TASP1: variants seen among roughly 807,000 people sequenced by gnomAD.
The protein encoded by TASP1 is taspase 1.
Under a neutral mutation model 56.6 loss-of-function variants are expected in TASP1, and 16 were observed. The observed-to-expected ratio is 0.28, with a 90% confidence interval of 0.19 to 0.43. TASP1 has a LOEUF of 0.43. TASP1 is among the 20% of genes least tolerant of loss of function. The pLI is 1.00. For synonymous variants in TASP1, 179 were observed against 184.2 expected (o/e 0.97, Z 0.23); for missense variants, 393 against 511.6 (o/e 0.77, Z 2.24).
At chr20:13,481,465 G>A (rs2043140173) in intron 11 of TASP1, among the ~76,000 whole-genome samples, 1 of 152,078 alleles carries the variant, frequency 6.6e-6, no homozygotes, top group Admixed American at 6.6e-5. Context: ...TCACATGGTA[G>A]CTCTATTTTT....
At chr20:13,490,452 A>C (rs944678600) in intron 10 of TASP1, among the ~76,000 whole-genome samples, 6 of 152,170 alleles carry the variant, frequency 3.9e-5, no homozygotes, top group Admixed American at 1.3e-4. Context: ...TAGAAGAGTT[A>C]ATTAATAAAG....
At chr20:13,211,879 A>G in the TASP1 span, among the ~76,000 whole-genome samples, 2 of 152,180 alleles carry the variant, frequency 1.3e-5, no homozygotes, top group African/African-American at 4.8e-5. Context: ...AAATGGTTAT[A>G]TAAGTACATA....
intron 4 of TASP1, among the ~76,000 whole-genome samples, chr20:13,592,475 G>C (rs1384001914): frequency 6.6e-6 from 1 of 151,164 alleles, no homozygotes; most frequent in Non-Finnish European, 1.5e-5. Flanking sequence ...AACTTTACAA[G>C]AAACTGTACT....
chr20:13,296,498 G>A, the TASP1 span, among the ~76,000 whole-genome samples: 780 of 152,334 alleles, frequency 5.1e-3, 2 homozygotes, highest in Non-Finnish European at 8.4e-3. Flanking sequence ...AGATCTGCAA[G>A]CATCTCAAGG....
chr20:13,472,595 G>A (rs1302384600), intron 11 of TASP1, among the ~76,000 whole-genome samples: 3 of 150,668 alleles, frequency 2.0e-5, no homozygotes, highest in Non-Finnish European at 3.0e-5. Flanking sequence ...TCTAACAAAG[G>A]GCTAATATCC....
At chr20:13,629,877 G>T in intron 2 of TASP1, 57 bp downstream of exon 2, 2 of 1,606,426 alleles carry the variant, frequency 1.2e-6, no homozygotes, top group South Asian at 2.2e-5. Flanking sequence ...TGTACTTCAA[G>T]GCAGAAAAAG....
chr20:13,253,338 G>A, the TASP1 span, among the ~76,000 whole-genome samples: 2 of 145,614 alleles, frequency 1.4e-5, no homozygotes, highest in Non-Finnish European at 3.0e-5. Flanking sequence ...GCATTCCTGA[G>A]GAGTGGGTGA....
chr20:13,498,043 G>A (rs2043794981), intron 10 of TASP1, among the ~76,000 whole-genome samples: 1 of 151,970 alleles, frequency 6.6e-6, no homozygotes, highest in South Asian at 2.1e-4. Flanking sequence ...TACCATCCTG[G>A]ACAACAGCCT....
At chr20:13,415,966 G>A (rs1289841582) in intron 13 of TASP1, among the ~76,000 whole-genome samples, 2 of 152,236 alleles carry the variant, frequency 1.3e-5, no homozygotes, top group East Asian at 3.9e-4. Flanking sequence ...TTTATGTATG[G>A]GAACTGTTTT....
In TASP1 at chr20:13,637,790, G is replaced by A. The variant is rs115125434; in HGVS notation, c.-75+1104C>T. Among the ~76,000 whole-genome samples the A allele has an allele frequency of 8.3e-3, 1,260 of 152,272 alleles. 15 individuals are homozygous for A. Among genetic ancestry groups the A allele is most frequent in the African/African-American group, 0.029 (1,209 of 41,562 alleles). ...GTATAGGATTTCTTTTGGGGGTGAT[G>A]AAAATGTTCTGAAAGTAGATAGTGG... On this transcript the variant is annotated intron_variant, in intron 1 of 13. Transcript: ENST00000337743.
chr20:13,181,214 G>T, the TASP1 span, among the ~76,000 whole-genome samples: 2 of 152,156 alleles, frequency 1.3e-5, no homozygotes, highest in African/African-American at 4.8e-5. Context: ...TGCCACCAGG[G>T]GTGATAATCT....
the TASP1 span, among the ~76,000 whole-genome samples, chr20:13,340,937 CA>C: frequency 6.6e-6 from 1 of 152,102 alleles, no homozygotes; most frequent in Non-Finnish European, 1.5e-5. Flanking sequence ...TTAAGTTGCC[CA>C]GGAAGTAGCT....
intron 11 of TASP1, among the ~76,000 whole-genome samples, chr20:13,452,588 C>T (rs1372188412): frequency 1.3e-5 from 2 of 151,784 alleles, no homozygotes; most frequent in African/African-American, 4.8e-5. Flanking sequence ...AATCTACAGG[C>T]AACTAGACTA....
intron 12 of TASP1, among the ~76,000 whole-genome samples, chr20:13,426,478 T>A (rs1395304368): frequency 1.3e-5 from 2 of 152,158 alleles, no homozygotes; most frequent in Non-Finnish European, 2.9e-5. Context: ...ATACTTCTCA[T>A]GATGGAGAAG....
chr20:13,567,711 C>T (rs151215199), intron 7 of TASP1, among the ~76,000 whole-genome samples: 2 of 152,184 alleles, frequency 1.3e-5, no homozygotes, highest in East Asian at 1.9e-4. Context: ...GATAAGAGAA[C>T]AATTTCCTCA....
chr20:13,141,678 G>T, the TASP1 span, among the ~76,000 whole-genome samples: 1 of 152,180 alleles, frequency 6.6e-6, no homozygotes, highest in South Asian at 2.1e-4. Flanking sequence ...TTGCCACTTG[G>T]TTGCCAGCTG....
At chr20:13,426,704 A>C (rs577510201) in intron 12 of TASP1, among the ~76,000 whole-genome samples, 2 of 152,162 alleles carry the variant, frequency 1.3e-5, no homozygotes, top group South Asian at 4.1e-4. Context: ...GCTACTCTTC[A>C]TTGTTGAAAA....
At chr20:13,176,182 T>C in the TASP1 span, among the ~76,000 whole-genome samples, 134 of 152,276 alleles carry the variant, frequency 8.8e-4, no homozygotes, top group Middle Eastern at 0.014. Context: ...TAAGATCAGG[T>C]CATCTGCAAA....
intron 4 of TASP1, among the ~76,000 whole-genome samples, chr20:13,623,225 C>CA (rs149377512): frequency 0.033 from 4,741 of 144,230 alleles, 240 homozygotes; most frequent in African/African-American, 0.11. Flanking sequence ...ATGAATCTCA[C>CA]AAAAAAAAAA....
Sources: gnomAD v4.1 joint callset for allele counts (sites outside exome capture counted in the v4.1 genomes callset) on GRCh38, gnomAD v4.1.1 for gene constraint, MANE v1.5 for transcripts, NCBI Gene and HGNC (gene_info 2026-07-23, HGNC 2026-07-21) for gene names.